Variants in CPB2 observed in about 807,000 individuals in gnomAD.
CPB2 encodes carboxypeptidase B-like protein.
In CPB2, 54 loss-of-function variants were observed where a neutral mutation model predicts 57.0. The ratio of observed to expected loss-of-function variants is 0.95; its 90% CI spans 0.76 to 1.19. CPB2 has a LOEUF of 1.19. CPB2 is among the 50% of genes most tolerant of loss of function. The pLI is 0.00. For missense variants in CPB2, 426 were observed against 512.0 expected (o/e 0.83, Z 1.62); for synonymous variants, 189 against 178.1 (o/e 1.06, Z -0.49).
intron 10 of CPB2, among the ~76,000 whole-genome samples, chr13:46,054,292 G>A (rs2044654030): frequency 6.6e-6 from 1 of 151,898 alleles, no homozygotes; most frequent in South Asian, 2.1e-4. Context: ...TGTCTACTTG[G>A]TTCATTTTAT....
intron 6 of CPB2, among the ~76,000 whole-genome samples, chr13:46,070,206 C>G (rs1317022382): frequency 2.0e-5 from 3 of 152,128 alleles, no homozygotes; most frequent in Non-Finnish European, 4.4e-5. Context: ...AGATTTTGCC[C>G]TACTGTAGGC....
At chr13:46,054,295 C>T (rs1352583036) in intron 10 of CPB2, among the ~76,000 whole-genome samples, 1 of 152,136 alleles carries the variant, frequency 6.6e-6, no homozygotes, top group African/African-American at 2.4e-5. Flanking sequence ...CTACTTGGTT[C>T]ATTTTATCAA....
chr13:46,066,673 T>C (rs1007457718), intron 7 of CPB2, among the ~76,000 whole-genome samples: 8 of 151,834 alleles, frequency 5.3e-5, no homozygotes, highest in African/African-American at 1.9e-4. Context: ...TGAAACCCTG[T>C]CTCTACTAAA....
At chr13:46,093,318 G>C (rs1417305630) in intron 1 of CPB2, among the ~76,000 whole-genome samples, 2 of 152,178 alleles carry the variant, frequency 1.3e-5, no homozygotes, top group African/African-American at 4.8e-5. Context: ...TATTAGAAGA[G>C]GGGAAAAGTA....
intron 10 of CPB2, among the ~76,000 whole-genome samples, chr13:46,054,363 T>C (rs2044656650): frequency 6.6e-6 from 1 of 152,200 alleles, no homozygotes; most frequent in African/African-American, 2.4e-5. Context: ...GACCTTTTTT[T>C]CTCCTTTCAT....
At chr13:46,099,788 G>A (rs2045411229) in intron 1 of CPB2, 1 of 152,238 alleles carries the variant, frequency 6.6e-6, no homozygotes, top group South Asian at 2.1e-4. Flanking sequence ...ACTTTGGGAG[G>A]CTGAGGTGGG....
At position 46,058,293 on chromosome 13, in the gene CPB2, G is replaced by A; in HGVS notation, c.885C>T (p.Phe295=). The A allele has an allele frequency of 6.2e-7, 1 of 1,614,078 alleles. No individual in the cohort carries two copies. Among genetic ancestry groups the A allele is most frequent in the Non-Finnish European group, 8.5e-7 (1 of 1,179,962 alleles). The part of the protein sequence containing the change: ...SEPEVKAVAS[F]LRRNINQIKA... The stretch of plus-strand genomic sequence containing the variant: ...TAATCTGGTTGATATTTCTTCTCAA[G>A]AAACTAGCCACTGCCTTCACTTCTG... Residue 295 remains phenylalanine, a synonymous_variant, in exon 9 of 11, where the codon TTC becomes TTT. Transcript: ENST00000181383.
chr13:46,086,324 C>T (rs1384035646), intron 2 of CPB2, among the ~76,000 whole-genome samples: 2 of 152,102 alleles, frequency 1.3e-5, no homozygotes, highest in Non-Finnish European at 2.9e-5. Context: ...CAATGACGTA[C>T]GTGGACAAGC....
intron 1 of CPB2, among the ~76,000 whole-genome samples, chr13:46,091,138 T>C (rs546198202): frequency 7.9e-4 from 121 of 152,280 alleles, no homozygotes; most frequent in Middle Eastern, 3.4e-3. Flanking sequence ...ATAAAAATGA[T>C]TTTTGGTGTT....
intron 7 of CPB2, among the ~76,000 whole-genome samples, chr13:46,066,175 T>C (rs2044852171): frequency 6.6e-6 from 1 of 152,250 alleles, no homozygotes; most frequent in Non-Finnish European, 1.5e-5. Context: ...CTTATTCCTC[T>C]TAGTATTTAT....
chr13:46,098,344 G>C (rs1478043293), intron 1 of CPB2: 1 of 152,206 alleles, frequency 6.6e-6, no homozygotes, highest in Admixed American at 6.5e-5. Flanking sequence ...ACTAGCTGTA[G>C]CTGTGAAGGT....
At position 46,069,875 on chromosome 13, in the gene CPB2, T is replaced by A. The variant is rs538402542; in HGVS notation, c.592-2458A>T. Among the ~76,000 whole-genome samples, 9 of 152,356 alleles carry A rather than the reference T, an allele frequency of 5.9e-5. No homozygotes were observed. The South Asian group carries it at 1.9e-3, about 32-fold the overall frequency. On this transcript the variant is annotated intron_variant, in intron 6 of 10. Coordinates refer to ENST00000181383, the MANE Select transcript of CPB2 (RefSeq NM_001872.5). Reference sequence around the variant, plus strand: ...TAGAACTGCTGGGTCATATGGTAACTCTATACTTAATCTTTTGAGGAACTT... The same window carrying A: ...TAGAACTGCTGGGTCATATGGTAACACTATACTTAATCTTTTGAGGAACTT...
At chr13:46,058,452 A>C (rs539157781) in intron 8 of CPB2, 71 bp from the exon 9 acceptor site, 6 of 1,320,654 alleles carry the variant, frequency 4.5e-6, no homozygotes, top group East Asian at 2.3e-5. Context: ...TTTCCCAGAC[A>C]ACGTATTCTC....
intron 1 of CPB2, among the ~76,000 whole-genome samples, chr13:46,101,919 C>T (rs1252608539): frequency 6.6e-6 from 1 of 152,164 alleles, no homozygotes; most frequent in Non-Finnish European, 1.5e-5. Context: ...CACACTTTCA[C>T]CATTCTGAAA....
intron 4 of CPB2, among the ~76,000 whole-genome samples, chr13:46,080,669 A>G (rs2045098689): frequency 6.6e-6 from 1 of 152,154 alleles, no homozygotes; most frequent in African/African-American, 2.4e-5. Flanking sequence ...ATGCATGTGC[A>G]CAAACAAAAG....
intron 5 of CPB2, among the ~76,000 whole-genome samples, chr13:46,077,342 A>C (rs546912180): frequency 6.6e-6 from 1 of 152,308 alleles, no homozygotes; most frequent in African/African-American, 2.4e-5. Context: ...ATCACTAATC[A>C]TCAGGGAAAT....
intron 4 of CPB2, among the ~76,000 whole-genome samples, chr13:46,080,229 A>G (rs1400050708): frequency 3.3e-5 from 5 of 152,058 alleles, no homozygotes; most frequent in Non-Finnish European, 5.9e-5. Flanking sequence ...TTCTCCCTAC[A>G]CCGGATCATT....
intron 8 of CPB2, 118 bp from the exon 9 acceptor site, chr13:46,058,499 G>A: frequency 1.3e-6 from 1 of 787,266 alleles, no homozygotes; most frequent in Non-Finnish European, 2.1e-6. Flanking sequence ...GAATGGATTA[G>A]GTAGGGCTCT....
intron 3 of CPB2, 49 bp downstream of exon 3, chr13:46,084,170 A>T (rs768362296): frequency 6.2e-7 from 1 of 1,601,704 alleles, no homozygotes; most frequent in South Asian, 1.1e-5. Context: ...AGTCAAGTGC[A>T]TAGTAAGTGT....
Sources: allele counts gnomAD v4.1 joint callset (sites outside exome capture counted in the v4.1 genomes callset), GRCh38; gene constraint gnomAD v4.1.1; transcripts MANE v1.5; gene names NCBI Gene and HGNC (gene_info 2026-07-23, HGNC 2026-07-21).